The following MEGF6 variants were observed in gnomAD, a reference collection of about 807,000 sequenced individuals.
The protein encoded by MEGF6 is multiple epidermal growth factor-like domains protein 6.
MEGF6 carries 184 observed loss-of-function variants against 207.1 expected under a neutral mutation model. That is an observed-to-expected ratio of 0.89 (90% CI 0.79 to 1.00). The LOEUF (loss-of-function observed/expected upper bound fraction) is 1.00. Ranked by LOEUF, MEGF6 falls within the 50% of genes least tolerant of loss-of-function variation. The pLI is 0.00. For synonymous variants in MEGF6, 1,038 were observed against 910.0 expected, an observed-to-expected ratio of 1.14 and a Z score of -2.53; for missense variants, 2,282 against 2,202.9, an observed-to-expected ratio of 1.04 and a Z score of -0.72.
intron 5 of MEGF6, among the ~76,000 whole-genome samples, chr1:3,523,188 G>A (rs1340369763): frequency 6.6e-6 from 1 of 152,144 alleles, no homozygotes; most frequent in African/African-American, 2.4e-5. Context: ...GCAGGAAGAA[G>A]GGGCGTCCTG....
At chr1:3,519,402 G>A (rs774469318) in intron 5 of MEGF6, among the ~76,000 whole-genome samples, 33 of 152,236 alleles carry the variant, frequency 2.2e-4, no homozygotes, top group Non-Finnish European at 3.4e-4. Flanking sequence ...GGCCAACAGG[G>A]GCACTCCCAG....
intron 4 of MEGF6, among the ~76,000 whole-genome samples, chr1:3,526,429 G>C (rs1360642618): frequency 7.2e-6 from 1 of 139,600 alleles, no homozygotes; most frequent in Non-Finnish European, 1.5e-5. Context: ...AGACAGTCTC[G>C]CTCTGTCGCC....
intron 4 of MEGF6, among the ~76,000 whole-genome samples, chr1:3,559,943 G>A (rs1195401132): frequency 6.7e-6 from 1 of 149,716 alleles, no homozygotes; most frequent in East Asian, 2.0e-4. Context: ...CCCGGGAGGC[G>A]GAGGTTGCAG....
Position 3,520,161 on chromosome 1 carries a change from C to G in MEGF6, c.604+3963G>C, listed in dbSNP as rs117984712. On this transcript the variant is annotated intron_variant, in intron 5 of 36. Transcript: ENST00000356575. ...TAAAGCCAGTGACATCTGTGGCCCT[C>G]AGACAGGGCCCAGGAGTGCTGCTCA... 3.3e-4 allele frequency among the ~76,000 whole-genome samples: 50 copies of G among 152,350 alleles called. No individual in the cohort carries two copies. In the East Asian group the frequency reaches 8.9e-3, roughly 27 times the overall value.
chr1:3,595,219 GAGT>G, intron 3 of MEGF6, 116 bp downstream of exon 3: 1 of 672,156 alleles, frequency 1.5e-6, no homozygotes, highest in South Asian at 1.9e-5. Context: ...AGTGTTCCCT[GAGT>G]CTCTCGTGTT....
Position 3,579,857 on chromosome 1 carries a change from G to C in MEGF6, c.449C>G (p.Pro150Arg). 2 of 1,541,354 alleles carry C rather than the reference G, an allele frequency of 1.3e-6. No individual in the cohort carries two copies. The highest frequency in any genetic ancestry group is 1.7e-6 in the Non-Finnish European group (2 of 1,150,132). Reference sequence around the variant, plus strand: ...ACAGCGGGGTCCCTGGAAGCCGGGGGGACAGTGACACGGCTGGGCTGAGCC... The same window carrying C: ...ACAGCGGGGTCCCTGGAAGCCGGGGCGACAGTGACACGGCTGGGCTGAGCC... ...VPGSAQPCHC[P>R]PGFQGPRCQY... Residue 150 changes from proline (P) to arginine (R), a missense_variant, in exon 4 of 37, where the codon CCC becomes CGC. Transcript: ENST00000356575.
intron 4 of MEGF6, among the ~76,000 whole-genome samples, chr1:3,542,765 A>G (rs758196869): frequency 6.6e-6 from 1 of 152,240 alleles, no homozygotes; most frequent in Non-Finnish European, 1.5e-5. Flanking sequence ...CCACGCAATA[A>G]GGAGCTAAGG....
At chr1:3,541,946 G>A (rs868304208) in intron 4 of MEGF6, among the ~76,000 whole-genome samples, 10 of 152,208 alleles carry the variant, frequency 6.6e-5, no homozygotes, top group East Asian at 3.9e-4. Context: ...CAGACACTCC[G>A]ATGAAAACCC....
chr1:3,523,815 C>T (rs1001120900), intron 5 of MEGF6, among the ~76,000 whole-genome samples: 6 of 152,248 alleles, frequency 3.9e-5, no homozygotes, highest in Non-Finnish European at 7.3e-5. Flanking sequence ...TCTCCACCCA[C>T]GGGCTCACTC....
At chr1:3,493,398 C>A (rs942202696) in intron 34 of MEGF6, 1 of 308,346 alleles carries the variant, frequency 3.2e-6, no homozygotes, top group Admixed American at 4.8e-5. Flanking sequence ...CAGGTGAGAC[C>A]CTCCTATCCT....
chr1:3,598,500 T>C (rs1361038640), intron 2 of MEGF6, among the ~76,000 whole-genome samples: 6 of 76,304 alleles, frequency 7.9e-5, no homozygotes, highest in Non-Finnish European at 2.3e-4. Flanking sequence ...GTGGTAAATA[T>C]TTATCCCCTC....
intron 35 of MEGF6, among the ~76,000 whole-genome samples, chr1:3,491,782 G>A (rs1015565525): frequency 1.3e-5 from 2 of 151,068 alleles, no homozygotes; most frequent in African/African-American, 2.4e-5. Context: ...GGGTGGGGGG[G>A]GGGGTGCGGG....
intron 4 of MEGF6, among the ~76,000 whole-genome samples, chr1:3,525,881 C>T (rs570390856): frequency 2.6e-5 from 4 of 152,330 alleles, no homozygotes; most frequent in African/African-American, 7.2e-5. Context: ...AGCTGGGCCT[C>T]GGGGGAATCC....
At chr1:3,580,190 G>T (rs981289550) in intron 3 of MEGF6, among the ~76,000 whole-genome samples, 2 of 151,868 alleles carry the variant, frequency 1.3e-5, no homozygotes, top group African/African-American at 4.8e-5. Context: ...ACCTAGATGG[G>T]GAGGAGCCAA....
At position 3,498,906 on chromosome 1, in the gene MEGF6, G is replaced by T; in HGVS notation, c.3095-80C>A. On this transcript the variant is annotated intron_variant, in intron 24 of 36. Coordinates refer to ENST00000356575, the MANE Select transcript of MEGF6 (RefSeq NM_001409.4). ...GGTCTGTCTGGCTTTCCAGCCCCAT[G>T]TTGGACTTTGGGGTCAGGCACCTTG... 4.0e-6 allele frequency: 6 copies of T among 1,513,822 alleles called. No homozygotes were observed. The Admixed American group carries it at 1.0e-4, about 25-fold the overall frequency. 93.8% of individuals were successfully genotyped at this position (1,513,822 alleles called of 1,614,324 possible).
At chr1:3,503,296 C>T (rs978818277) in intron 17 of MEGF6, among the ~76,000 whole-genome samples, 2 of 152,200 alleles carry the variant, frequency 1.3e-5, no homozygotes, top group Non-Finnish European at 2.9e-5. Flanking sequence ...CGTCAGGGAA[C>T]CCCCCTCCAC....
At chr1:3,607,300 G>C (rs1402091341) in intron 1 of MEGF6, among the ~76,000 whole-genome samples, 1 of 151,614 alleles carries the variant, frequency 6.6e-6, no homozygotes, top group Non-Finnish European at 1.5e-5. Flanking sequence ...TGCCCGCCTG[G>C]TGCGCCCTAT....
chr1:3,530,419 C>G (rs1272053286), intron 4 of MEGF6, among the ~76,000 whole-genome samples: 1 of 152,212 alleles, frequency 6.6e-6, no homozygotes. Context: ...CCCACACTCC[C>G]TCCTCCAATT....
At chr1:3,585,049 G>A (rs1190629174) in intron 3 of MEGF6, among the ~76,000 whole-genome samples, 1 of 151,992 alleles carries the variant, frequency 6.6e-6, no homozygotes, top group East Asian at 1.9e-4. Context: ...CCTGTGTGTG[G>A]GAGTGAGTGA....
Sources: allele counts gnomAD v4.1 joint callset (sites outside exome capture counted in the v4.1 genomes callset), GRCh38; gene constraint gnomAD v4.1.1; transcripts MANE v1.5; gene names NCBI Gene and HGNC (gene_info 2026-07-23, HGNC 2026-07-21).